ZSWIM6: variants seen among roughly 807,000 people sequenced by gnomAD.
ZSWIM6 encodes the protein zinc finger SWIM-type containing 6, also known as zinc finger SWIM domain-containing protein 6.
ZSWIM6 carries 9 observed loss-of-function variants against 113.2 expected under a neutral mutation model. That is an observed-to-expected ratio of 0.08 (90% CI 0.05 to 0.14). The LOEUF is 0.14. Among genes scored for constraint, ZSWIM6 ranks in the 10% least tolerant of loss-of-function variants. The pLI is 1.00. For missense variants in ZSWIM6, 1,162 were observed against 1,552.2 expected, an observed-to-expected ratio of 0.75 and a Z score of 4.22; for synonymous variants, 611 against 606.5, an observed-to-expected ratio of 1.01 and a Z score of -0.11.
chr5:61,348,341 C>CA (rs1293034493), intron 1 of ZSWIM6, among the ~76,000 whole-genome samples: 3 of 152,010 alleles, frequency 2.0e-5, no homozygotes, highest in African/African-American at 7.2e-5. Flanking sequence ...TCTGAAAAAC[C>CA]AAAAAATTCA....
chr5:61,405,461 T>C (rs750230067), intron 1 of ZSWIM6, among the ~76,000 whole-genome samples: 1 of 152,164 alleles, frequency 6.6e-6, no homozygotes, highest in Non-Finnish European at 1.5e-5. Flanking sequence ...ATCATCGTCA[T>C]GGAGAGGCTA....
intron 1 of ZSWIM6, among the ~76,000 whole-genome samples, chr5:61,435,125 G>A (rs377648999): frequency 1.3e-5 from 2 of 152,068 alleles, no homozygotes; most frequent in African/African-American, 2.4e-5. Context: ...TGGACCTTCT[G>A]TCATTTGATA....
chr5:61,336,963 T>C (rs971011657), intron 1 of ZSWIM6, among the ~76,000 whole-genome samples: 1 of 152,004 alleles, frequency 6.6e-6, no homozygotes, highest in Admixed American at 6.5e-5. Flanking sequence ...CCGGTAAACA[T>C]ACTCATCTTC....
At position 61,519,898 on chromosome 5, in the gene ZSWIM6, A is replaced by G. The variant is rs1407361177; in HGVS notation, c.1334-1365A>G. Among the ~76,000 whole-genome samples the G allele has an allele frequency of 2.6e-5, 4 of 152,198 alleles. No homozygotes were observed. In the East Asian group the frequency reaches 7.7e-4, roughly 29 times the overall value. ...CATTAGTTAGATTCCCATAAGCAGC[A>G]TGCAACCTAGATCCCTCACATGCGC... On this transcript the variant is annotated intron_variant, in intron 4 of 13. Transcript: ENST00000252744.
At chr5:61,508,791 G>A (rs2112241755) in intron 4 of ZSWIM6, among the ~76,000 whole-genome samples, 1 of 152,220 alleles carries the variant, frequency 6.6e-6, no homozygotes, top group Middle Eastern at 3.4e-3. Context: ...GGAGCCCTGA[G>A]TTTCTATATA....
intron 2 of ZSWIM6, among the ~76,000 whole-genome samples, chr5:61,489,977 A>G (rs1286489779): frequency 1.6e-4 from 24 of 152,090 alleles, no homozygotes. Context: ...TTAAGGGTTG[A>G]TAAGCAGATG....
intron 9 of ZSWIM6, among the ~76,000 whole-genome samples, chr5:61,534,338 A>G (rs1166313606): frequency 2.0e-5 from 3 of 152,228 alleles, no homozygotes; most frequent in East Asian, 1.9e-4. Flanking sequence ...CAAAAATACT[A>G]TCAAAAAACT....
At chr5:61,437,047 G>A (rs914120776) in intron 1 of ZSWIM6, among the ~76,000 whole-genome samples, 1 of 152,062 alleles carries the variant, frequency 6.6e-6, no homozygotes, top group Non-Finnish European at 1.5e-5. Context: ...AGGCACACAC[G>A]TTCCCAATTA....
chr5:61,377,206 G>T (rs1745390046), intron 1 of ZSWIM6, among the ~76,000 whole-genome samples: 1 of 152,122 alleles, frequency 6.6e-6, no homozygotes, highest in Non-Finnish European at 1.5e-5. Context: ...TTCAAAGGGT[G>T]TTGGGATAAC....
intron 1 of ZSWIM6, among the ~76,000 whole-genome samples, chr5:61,438,184 A>G (rs1579996369): frequency 6.6e-6 from 1 of 152,226 alleles, no homozygotes; most frequent in African/African-American, 2.4e-5. Flanking sequence ...GTTTACAGAA[A>G]AAAATTACAT....
chr5:61,365,332 A>G (rs1446001429), intron 1 of ZSWIM6, among the ~76,000 whole-genome samples: 1 of 137,656 alleles, frequency 7.3e-6, no homozygotes, highest in African/African-American at 2.8e-5. Flanking sequence ...AGCCTGGGCG[A>G]CAGAGCGGGA....
intron 10 of ZSWIM6, 146 bp from the exon 11 acceptor site, chr5:61,538,668 C>A: frequency 1.2e-6 from 1 of 824,028 alleles, no homozygotes. Context: ...ACCCACACAG[C>A]AGAGTATAGC....
intron 1 of ZSWIM6, among the ~76,000 whole-genome samples, chr5:61,455,716 G>A (rs974755015): frequency 6.6e-6 from 1 of 152,150 alleles, no homozygotes. Flanking sequence ...AATACTGGGA[G>A]CACCTAGTAC....
intron 1 of ZSWIM6, among the ~76,000 whole-genome samples, chr5:61,427,528 G>A (rs955715824): frequency 4.6e-5 from 7 of 152,030 alleles, no homozygotes; most frequent in Non-Finnish European, 1.5e-5. Context: ...ACCTAGGCTG[G>A]AGTGTAGTGG....
At chr5:61,333,739 C>T (rs1744322046) in intron 1 of ZSWIM6, among the ~76,000 whole-genome samples, 1 of 152,100 alleles carries the variant, frequency 6.6e-6, no homozygotes, top group Admixed American at 6.5e-5. Context: ...GGAGGAGCTG[C>T]TAGCGCTTCC....
In ZSWIM6 at chr5:61,432,989, C is replaced by A. The variant is rs369094460; in HGVS notation, c.677-39692C>A. On this transcript the variant is annotated intron_variant, in intron 1 of 13. Transcript: ENST00000252744. ...GAACACATGCTTTGTTTTGGTGGGTCGTTAAATTTTTTCTTCTTCGGAACA... is the reference window on the plus strand; with the variant it reads ...GAACACATGCTTTGTTTTGGTGGGTAGTTAAATTTTTTCTTCTTCGGAACA... Among the ~76,000 whole-genome samples, 4 of 151,954 alleles carry A rather than the reference C, an allele frequency of 2.6e-5. No homozygotes were observed. In the East Asian group the frequency reaches 5.8e-4, roughly 22 times the overall value.
At chr5:61,357,874 A>C (rs76752667) in intron 1 of ZSWIM6, among the ~76,000 whole-genome samples, 239 of 152,278 alleles carry the variant, frequency 1.6e-3, no homozygotes, top group African/African-American at 5.4e-3. Context: ...AGGATTAAAA[A>C]AAAAATTTCC....
chr5:61,390,672 G>T, intron 1 of ZSWIM6: 1 of 837,054 alleles, frequency 1.2e-6, no homozygotes. Flanking sequence ...CTGGCATTAA[G>T]CTCCTTCTTC....
intron 1 of ZSWIM6, among the ~76,000 whole-genome samples, chr5:61,454,339 T>A (rs1022152946): frequency 2.6e-5 from 4 of 151,842 alleles, no homozygotes; most frequent in African/African-American, 4.8e-5. Context: ...TACTGCAGCC[T>A]CAATCTCCTA....
Sources: gnomAD v4.1 joint callset for allele counts (sites outside exome capture counted in the v4.1 genomes callset) on GRCh38, gnomAD v4.1.1 for gene constraint, MANE v1.5 for transcripts, NCBI Gene and HGNC (gene_info 2026-07-23, HGNC 2026-07-21) for gene names.